Variants in SLC4A10 observed in about 807,000 individuals in gnomAD.
The protein encoded by SLC4A10 is solute carrier family 4 member 10.
SLC4A10 carries 42 observed loss-of-function variants against 137.7 expected under a neutral mutation model. That is an observed-to-expected ratio of 0.30 (90% confidence interval 0.24 to 0.39). The LOEUF is 0.39. Ranked by LOEUF, SLC4A10 falls within the 10% of genes least tolerant of loss-of-function variation. The pLI, the probability that SLC4A10 is intolerant of heterozygous loss-of-function variation, is 1.00. For missense variants in SLC4A10, 925 were observed against 1,355.0 expected (o/e 0.68, Z 4.98); for synonymous variants, 474 against 464.1 (o/e 1.02, Z -0.27).
intron 1 of SLC4A10, among the ~76,000 whole-genome samples, chr2:161,698,937 C>T (rs574166325): frequency 2.0e-5 from 3 of 152,214 alleles, no homozygotes; most frequent in East Asian, 3.9e-4. Flanking sequence ...CTGTCTGGTC[C>T]TGTACTTTTT....
At chr2:161,812,302 C>A (rs13416456) in intron 3 of SLC4A10, among the ~76,000 whole-genome samples, 42,439 of 151,966 alleles carry the variant, frequency 0.28, 7,675 homozygotes, top group Non-Finnish European at 0.42. Context: ...ACTTTGATCT[C>A]TTTGTGAAGA....
chr2:161,982,022 G>A (rs1336747341), intron 26 of SLC4A10, among the ~76,000 whole-genome samples: 1 of 152,162 alleles, frequency 6.6e-6, no homozygotes, highest in East Asian at 1.9e-4. Context: ...CTAAGTTATT[G>A]ACCACTTAGA....
At chr2:161,792,279 A>G (rs1256832988) in intron 2 of SLC4A10, among the ~76,000 whole-genome samples, 2 of 152,290 alleles carry the variant, frequency 1.3e-5, no homozygotes, top group African/African-American at 4.8e-5. Flanking sequence ...ATATAATCCT[A>G]TACATATTAA....
In SLC4A10 at chr2:161,983,220, G is replaced by C; in HGVS notation, c.*68G>C. The C allele has an allele frequency of 2.6e-6, 4 of 1,536,738 alleles. No individual in the cohort carries two copies. The highest frequency in any genetic ancestry group is 3.5e-6 in the Non-Finnish European group (4 of 1,147,020). On this transcript the variant is annotated 3_prime_UTR_variant, in exon 27 of 27. Transcript: ENST00000446997. ...GAGAAGAAAGCTGACTCAGGGAAAG[G>C]TGTTGACAGGGAGACTTGTCTATGA...
At chr2:161,700,502 A>T (rs2125000160) in intron 1 of SLC4A10, among the ~76,000 whole-genome samples, 1 of 152,266 alleles carries the variant, frequency 6.6e-6, no homozygotes, top group Non-Finnish European at 1.5e-5. Context: ...TCGACTTTTT[A>T]AATGATCCAT....
intron 8 of SLC4A10, 49 bp from the exon 9 acceptor site, chr2:161,879,082 C>T (rs1488045841): frequency 1.9e-6 from 3 of 1,577,036 alleles, no homozygotes; most frequent in Non-Finnish European, 1.7e-6. Context: ...TATGATTTAC[C>T]AGATTTTTCC....
At chr2:161,872,992 G>A (rs2061233075) in intron 7 of SLC4A10, among the ~76,000 whole-genome samples, 1 of 152,132 alleles carries the variant, frequency 6.6e-6, no homozygotes, top group African/African-American at 2.4e-5. Flanking sequence ...GGGATTACAG[G>A]CGTGAGCCAC....
chr2:161,759,881 C>T (rs1272267579), intron 1 of SLC4A10, among the ~76,000 whole-genome samples: 2 of 151,882 alleles, frequency 1.3e-5, no homozygotes, highest in African/African-American at 4.8e-5. Context: ...GATAGCTTAG[C>T]TAGGCATATA....
At chr2:161,734,616 T>C (rs2047143099) in intron 1 of SLC4A10, among the ~76,000 whole-genome samples, 1 of 152,230 alleles carries the variant, frequency 6.6e-6, no homozygotes, top group African/African-American at 2.4e-5. Flanking sequence ...TATTTTTTAT[T>C]TGAAATTATC....
intron 26 of SLC4A10, among the ~76,000 whole-genome samples, chr2:161,980,532 C>T (rs976700308): frequency 4.6e-5 from 7 of 152,002 alleles, no homozygotes; most frequent in Non-Finnish European, 8.8e-5. Flanking sequence ...ACCTGTAATC[C>T]CAGCTACTCA....
chr2:161,973,442 A>G (rs1053686984), intron 23 of SLC4A10, among the ~76,000 whole-genome samples: 4 of 152,222 alleles, frequency 2.6e-5, no homozygotes, highest in Admixed American at 6.5e-5. Flanking sequence ...TAGTTTTAAA[A>G]TCCTATGTAT....
intron 1 of SLC4A10, among the ~76,000 whole-genome samples, chr2:161,699,580 A>T (rs2042925046): frequency 6.6e-6 from 1 of 152,220 alleles, no homozygotes. Context: ...AGTGAATCAT[A>T]CATATGATTT....
At chr2:161,951,797 T>G (rs1426226165) in intron 19 of SLC4A10, among the ~76,000 whole-genome samples, 3 of 152,086 alleles carry the variant, frequency 2.0e-5, no homozygotes, top group Admixed American at 1.3e-4. Flanking sequence ...TAATTGCAGT[T>G]TTTGCCATTA....
chr2:161,643,800 T>C (rs1228308298), intron 1 of SLC4A10, among the ~76,000 whole-genome samples: 1 of 152,218 alleles, frequency 6.6e-6, no homozygotes, highest in Non-Finnish European at 1.5e-5. Flanking sequence ...AAACTTCTAT[T>C]CATTGCAAGG....
intron 1 of SLC4A10, among the ~76,000 whole-genome samples, chr2:161,656,620 A>G (rs1373265081): frequency 6.6e-6 from 1 of 152,192 alleles, no homozygotes; most frequent in Non-Finnish European, 1.5e-5. Flanking sequence ...AATATAACTC[A>G]AGAATTGAAC....
intron 3 of SLC4A10, among the ~76,000 whole-genome samples, chr2:161,820,265 A>G (rs2057500895): frequency 6.6e-6 from 1 of 152,202 alleles, no homozygotes. Flanking sequence ...TTCCTATTTT[A>G]ATGACCAATT....
chr2:161,797,198 CT>C (rs1167568076), intron 2 of SLC4A10, among the ~76,000 whole-genome samples: 1 of 152,088 alleles, frequency 6.6e-6, no homozygotes, highest in East Asian at 1.9e-4. Context: ...CTTGCCTTTT[CT>C]TCCCTGCTCT....
At chr2:161,764,395 AG>A (rs1306557888) in intron 1 of SLC4A10, among the ~76,000 whole-genome samples, 1 of 152,124 alleles carries the variant, frequency 6.6e-6, no homozygotes, top group Non-Finnish European at 1.5e-5. Flanking sequence ...GGGAGAGGAA[AG>A]GAACAGAGTA....
intron 1 of SLC4A10, among the ~76,000 whole-genome samples, chr2:161,754,750 A>G (rs563397721): frequency 2.6e-5 from 4 of 152,202 alleles, no homozygotes; most frequent in African/African-American, 9.6e-5. Flanking sequence ...AGTTACTACT[A>G]TGTAAGAAAA....
Sources: allele counts gnomAD v4.1 joint callset (sites outside exome capture counted in the v4.1 genomes callset), GRCh38; gene constraint gnomAD v4.1.1; transcripts MANE v1.5; gene names NCBI Gene and HGNC (gene_info 2026-07-23, HGNC 2026-07-21).